Variants in PCP4 observed in about 807,000 individuals in gnomAD.
PCP4 encodes the protein Purkinje cell protein 4, also known as calmodulin regulator protein PCP4.
Under a neutral mutation model 10.0 loss-of-function variants are expected in PCP4, and 8 were observed. That is an observed-to-expected ratio of 0.80 (90% CI 0.47 to 1.45). The LOEUF is 1.45. PCP4 is among the 40% of genes most tolerant of loss of function. The probability of loss-of-function intolerance (pLI) is 0.00; values close to 1 mark genes in which losing one functional copy is unlikely to be tolerated. For missense variants in PCP4, 54 were observed against 74.4 expected (o/e 0.73, Z 1.01); for synonymous variants, 21 against 23.0 (o/e 0.91, Z 0.24).
chr21:39,897,907 G>A (rs1392012559), intron 1 of PCP4, among the ~76,000 whole-genome samples: 3 of 151,850 alleles, frequency 2.0e-5, no homozygotes, highest in African/African-American at 4.8e-5. Context: ...TTAGCCGTAC[G>A]TGGTCGTGGG....
At chr21:39,907,169 G>T (rs544009842) in intron 2 of PCP4, among the ~76,000 whole-genome samples, 2 of 152,184 alleles carry the variant, frequency 1.3e-5, no homozygotes, top group South Asian at 2.1e-4. Flanking sequence ...GGCAGAGTGG[G>T]CTGAATTGTC....
intron 2 of PCP4, among the ~76,000 whole-genome samples, chr21:39,920,915 C>T (rs916530953): frequency 6.6e-6 from 1 of 152,250 alleles, no homozygotes; most frequent in African/African-American, 2.4e-5. Context: ...CAGGATGGCT[C>T]CTTGGCAGAG....
chr21:39,915,640 T>C (rs1367283297), intron 2 of PCP4, among the ~76,000 whole-genome samples: 1 of 152,214 alleles, frequency 6.6e-6, no homozygotes, highest in South Asian at 2.1e-4. Flanking sequence ...TTCCAACTTA[T>C]GGTTGAATAT....
intron 2 of PCP4, among the ~76,000 whole-genome samples, chr21:39,921,913 C>T (rs183317885): frequency 6.6e-6 from 1 of 152,318 alleles, no homozygotes; most frequent in East Asian, 1.9e-4. Context: ...GATGTGAGAA[C>T]CTCTGCTCCA....
chr21:39,918,992 G>A (rs573261084), intron 2 of PCP4, among the ~76,000 whole-genome samples: 64 of 152,312 alleles, frequency 4.2e-4, no homozygotes, highest in African/African-American at 1.5e-3. Flanking sequence ...TAAATTTATT[G>A]TTATAATTTT....
At chr21:39,919,528 G>T (rs1403719140) in intron 2 of PCP4, among the ~76,000 whole-genome samples, 1 of 152,168 alleles carries the variant, frequency 6.6e-6, no homozygotes, top group Non-Finnish European at 1.5e-5. Flanking sequence ...TACTTCTTGG[G>T]CACAAATTTC....
chr21:39,891,731 C>T (rs1406600147), intron 1 of PCP4, among the ~76,000 whole-genome samples: 2 of 152,204 alleles, frequency 1.3e-5, no homozygotes, highest in South Asian at 4.1e-4. Context: ...TGAAGCAAGT[C>T]ACGTGATTAC....
At chr21:39,922,896 G>A (rs983635596) in intron 2 of PCP4, among the ~76,000 whole-genome samples, 4 of 152,174 alleles carry the variant, frequency 2.6e-5, no homozygotes, top group Non-Finnish European at 4.4e-5. Context: ...GGCCCCCCAG[G>A]CACACAGGAC....
intron 1 of PCP4, among the ~76,000 whole-genome samples, chr21:39,897,593 A>T (rs2087463078): frequency 6.6e-6 from 1 of 152,126 alleles, no homozygotes; most frequent in Non-Finnish European, 1.5e-5. Flanking sequence ...CACCCAGAGA[A>T]TCTTGCCCAA....
chr21:39,897,037 T>C (rs2146336728), intron 1 of PCP4, among the ~76,000 whole-genome samples: 1 of 152,274 alleles, frequency 6.6e-6, no homozygotes, highest in Admixed American at 6.5e-5. Flanking sequence ...CTGCCACTCA[T>C]TAGCTGCATG....
chr21:39,890,808 G>C (rs1192608810), intron 1 of PCP4, among the ~76,000 whole-genome samples: 1 of 152,166 alleles, frequency 6.6e-6, no homozygotes, highest in African/African-American at 2.4e-5. Context: ...TGCCTTGCTT[G>C]CCTTATCCAG....
At chr21:39,897,798 G>A (rs892022361) in intron 1 of PCP4, among the ~76,000 whole-genome samples, 1 of 152,058 alleles carries the variant, frequency 6.6e-6, no homozygotes, top group African/African-American at 2.4e-5. Context: ...TGTAATCCCA[G>A]CACTTTGGGA....
In PCP4 at chr21:39,900,997, A is replaced by G. The variant is rs567997851; in HGVS notation, c.61+2470A>G. Among the ~76,000 whole-genome samples, 17 of 152,344 alleles carry G rather than the reference A, an allele frequency of 1.1e-4. No individual in the cohort carries two copies. The South Asian group carries it at 3.1e-3, about 28-fold the overall frequency. ...GTAACATTTTAAAAAATGAAAAGTC[A>G]TTATATTTTCCAAAATGGAAAAGGA... On this transcript the variant is annotated intron_variant, in intron 2 of 2. Transcript: ENST00000328619.
At chr21:39,913,357 G>C (rs954508579) in intron 2 of PCP4, among the ~76,000 whole-genome samples, 1 of 152,184 alleles carries the variant, frequency 6.6e-6, no homozygotes, top group Non-Finnish European at 1.5e-5. Context: ...AAGTTTAACT[G>C]TCACAGGGCT....
At chr21:39,872,221 A>T (rs1306641166) in intron 1 of PCP4, among the ~76,000 whole-genome samples, 2 of 151,952 alleles carry the variant, frequency 1.3e-5, no homozygotes, top group Non-Finnish European at 2.9e-5. Context: ...CTGGTCTCGA[A>T]CTCCTGACCT....
chr21:39,887,803 G>T (rs1380588651), intron 1 of PCP4, among the ~76,000 whole-genome samples: 1 of 152,158 alleles, frequency 6.6e-6, no homozygotes, highest in Non-Finnish European at 1.5e-5. Flanking sequence ...ATAGTAACAG[G>T]CCTTTTTGTT....
At chr21:39,904,142 A>G (rs2087495443) in intron 2 of PCP4, among the ~76,000 whole-genome samples, 2 of 152,224 alleles carry the variant, frequency 1.3e-5, no homozygotes, top group Middle Eastern at 3.2e-3. Context: ...ATAGGCAGAC[A>G]GATGTACATG....
intron 1 of PCP4, among the ~76,000 whole-genome samples, chr21:39,889,637 C>T (rs1295126252): frequency 2.6e-5 from 4 of 152,002 alleles, no homozygotes; most frequent in South Asian, 4.2e-4. Context: ...AGGATGGTCT[C>T]TATCTCCTGA....
intron 2 of PCP4, among the ~76,000 whole-genome samples, chr21:39,922,737 A>C (rs922340927): frequency 1.3e-5 from 2 of 152,200 alleles, no homozygotes; most frequent in Admixed American, 6.5e-5. Context: ...GGGCAATGTG[A>C]CAGGTGCACA....
Sources: allele counts gnomAD v4.1 joint callset (sites outside exome capture counted in the v4.1 genomes callset), GRCh38; gene constraint gnomAD v4.1.1; transcripts MANE v1.5; gene names NCBI Gene and HGNC (gene_info 2026-07-23, HGNC 2026-07-21).